Variants in VWC2 observed in about 807,000 individuals in gnomAD.
VWC2 encodes the protein von Willebrand factor C domain containing 2, also known as brorin.
Under a neutral mutation model 29.8 loss-of-function variants are expected in VWC2, and 14 were observed. That is an observed-to-expected ratio of 0.47 (90% CI 0.31 to 0.74). The LOEUF (loss-of-function observed/expected upper bound fraction) is 0.74, where lower values mean the gene tolerates loss of function less well. Ranked by LOEUF, VWC2 falls within the 30% of genes least tolerant of loss-of-function variation. The pLI, the probability that VWC2 is intolerant of heterozygous loss-of-function variation, is 0.05. For missense variants in VWC2, 457 were observed against 459.8 expected (o/e 0.99, Z 0.05); for synonymous variants, 213 against 199.0 (o/e 1.07, Z -0.59).
intron 3 of VWC2, among the ~76,000 whole-genome samples, chr7:49,896,044 G>A (rs557257514): frequency 9.2e-4 from 140 of 152,226 alleles, no homozygotes; most frequent in South Asian, 1.2e-3. Context: ...AACGTTTAAT[G>A]AAAAAGAAAG....
At position 49,774,578 on chromosome 7, in the gene VWC2, T is replaced by C. The variant is rs555041631; in HGVS notation, c.-104+465T>C. 5.9e-5 allele frequency among the ~76,000 whole-genome samples: 9 copies of C among 152,296 alleles called. No individual in the cohort carries two copies. In the East Asian group the frequency reaches 1.8e-3, roughly 30 times the overall value. On this transcript the variant is annotated intron_variant, in intron 1 of 3. Transcript: ENST00000340652. ...GCACACCTTGGTGCTGCCCGGGCGC[T>C]TCTGCTCCGCAGCCAGGACACTACA...
intron 2 of VWC2, among the ~76,000 whole-genome samples, chr7:49,778,527 T>C (rs555313778): frequency 1.3e-5 from 2 of 152,396 alleles, no homozygotes; most frequent in South Asian, 2.1e-4. Flanking sequence ...TTTTTGTTAG[T>C]ATCGGGAACA....
intron 3 of VWC2, among the ~76,000 whole-genome samples, chr7:49,886,052 T>G (rs369965913): frequency 5.3e-5 from 8 of 152,212 alleles, no homozygotes; most frequent in African/African-American, 1.7e-4. Flanking sequence ...AAGCAGTGTG[T>G]GCAAGAGCCT....
chr7:49,805,196 G>A (rs1337072309), intron 3 of VWC2, among the ~76,000 whole-genome samples: 1 of 152,130 alleles, frequency 6.6e-6, no homozygotes, highest in Non-Finnish European at 1.5e-5. Flanking sequence ...ATGGTTTTGG[G>A]AGATGGTTGT....
rs187705884 is a variant in VWC2, at chr7:49,836,547, G to A, written c.826+33707G>A. On this transcript the variant is annotated intron_variant, in intron 3 of 3. Transcript: ENST00000340652. ...CCAGCTACTCCAGAGGCTGAGGCAG[G>A]AGAATTGCTTGAACTCCAGAGGCGG... Among the ~76,000 whole-genome samples the A allele has an allele frequency of 1.4e-3, 207 of 151,762 alleles. 1 individual carries two copies. The highest frequency in any genetic ancestry group is 4.7e-3 in the African/African-American group (195 of 41,398).
chr7:49,791,496 A>T (rs993018013), intron 2 of VWC2, among the ~76,000 whole-genome samples: 3 of 152,158 alleles, frequency 2.0e-5, no homozygotes, highest in African/African-American at 7.2e-5. Flanking sequence ...GGCTCCCAAT[A>T]TTTGCTGATG....
chr7:49,902,548 C>A, intron 3 of VWC2, among the ~76,000 whole-genome samples: 3 of 133,486 alleles, frequency 2.2e-5, no homozygotes, highest in African/African-American at 5.3e-5. Flanking sequence ...ATTGGATATC[C>A]GTAGCCAAAA....
chr7:49,786,637 A>G (rs1292838152), intron 2 of VWC2, among the ~76,000 whole-genome samples: 5 of 152,162 alleles, frequency 3.3e-5, no homozygotes, highest in African/African-American at 9.7e-5. Flanking sequence ...CAGCCTCACA[A>G]GCATCTGTTA....
At position 49,818,769 on chromosome 7, in the gene VWC2, T is replaced by C. The variant is rs187993083; in HGVS notation, c.826+15929T>C. On this transcript the variant is annotated intron_variant, in intron 3 of 3. Coordinates refer to ENST00000340652, the MANE Select transcript of VWC2 (RefSeq NM_198570.5). The stretch of plus-strand genomic sequence containing the variant: ...TCATATAAATATAAATTCATATATA[T>C]ATGAATTTGCCTTTAAAATAAAATA... Among the ~76,000 whole-genome samples, 8 of 149,464 alleles carry C rather than the reference T, an allele frequency of 5.4e-5. No individual in the cohort carries two copies. In the Admixed American group the frequency reaches 5.4e-4, roughly 10 times the overall value.
intron 3 of VWC2, among the ~76,000 whole-genome samples, chr7:49,895,282 C>G (rs1792326405): frequency 6.6e-6 from 1 of 152,168 alleles, no homozygotes; most frequent in Non-Finnish European, 1.5e-5. Flanking sequence ...CATGAGGGCT[C>G]TGCCCTCATG....
rs148046649 is a variant in VWC2 at position 49,807,490 on chromosome 7, C to T, written c.826+4650C>T. 5.0e-3 allele frequency among the ~76,000 whole-genome samples: 765 copies of T among 152,296 alleles called. 6 individuals carry two copies. Among genetic ancestry groups the T allele is most frequent in the African/African-American group, 0.017 (725 of 41,556 alleles). ...AAAAGGCCTGTGCATGTAAGACCAC[C>T]AGCTGTGTGACTAACCTGACATCAC... On this transcript the variant is annotated intron_variant, in intron 3 of 3. Coordinates refer to ENST00000340652, the MANE Select transcript of VWC2 (RefSeq NM_198570.5).
intron 3 of VWC2, among the ~76,000 whole-genome samples, chr7:49,817,125 A>C (rs944205090): frequency 6.6e-6 from 1 of 152,248 alleles, no homozygotes; most frequent in Non-Finnish European, 1.5e-5. Context: ...GAAGAGGTTA[A>C]ATTTCCGGCT....
intron 1 of VWC2, among the ~76,000 whole-genome samples, chr7:49,774,360 C>G (rs1221047502): frequency 6.6e-6 from 1 of 152,278 alleles, no homozygotes; most frequent in African/African-American, 2.4e-5. Flanking sequence ...ACAGACGCAC[C>G]GGAGTGCGCA....
intron 3 of VWC2, among the ~76,000 whole-genome samples, chr7:49,877,482 AT>A (rs773455256): frequency 0.15 from 3,019 of 20,274 alleles, 934 homozygotes; most frequent in African/African-American, 0.34. Flanking sequence ...AAAAAAAAAA[AT>A]ATATATATAT....
intron 3 of VWC2, among the ~76,000 whole-genome samples, chr7:49,853,156 G>C (rs1272494695): frequency 1.3e-5 from 2 of 152,268 alleles, no homozygotes; most frequent in Non-Finnish European, 2.9e-5. Flanking sequence ...GCAGTCACTG[G>C]GGTGGACTTG....
In VWC2 at chr7:49,920,824, T is replaced by G. The variant is rs2128746999; in HGVS notation, c.*8639T>G. On this transcript the variant is annotated 3_prime_UTR_variant, in exon 4 of 4. Transcript: ENST00000340652. ...TAAATAACATCATTTACCAAGTCTGTGTGATGCTTTACAAGGTACCTGATG... is the reference window on the plus strand; with the variant it reads ...TAAATAACATCATTTACCAAGTCTGGGTGATGCTTTACAAGGTACCTGATG... 1 of 152,312 alleles carries G rather than the reference T, an allele frequency of 6.6e-6. No individual in the cohort carries two copies. Among genetic ancestry groups the G allele is most frequent in the South Asian group, 2.1e-4 (1 of 4,824 alleles). 9.4% of individuals were successfully genotyped at this position (152,312 alleles called of 1,614,324 possible). A position where few individuals can be genotyped will look rare whatever the true frequency, so the allele number is the denominator to read the frequency against.
Position 49,775,405 on chromosome 7 carries a change from CG to C in VWC2, c.-30del. 3.0e-6 allele frequency: 3 copies of C among 1,015,414 alleles called. No individual in the cohort carries two copies. The highest frequency in any genetic ancestry group is 2.6e-6 in the Non-Finnish European group (2 of 774,754). The allele number at this position is 1,015,414 out of a possible 1,614,324, so 62.9% of individuals were successfully genotyped here. A position where few individuals can be genotyped will look rare whatever the true frequency, so the allele number is the denominator to read the frequency against. ...CGACTCGCCCCTCGGCCGCGCTCCC[CG>C]CCCGCCCGCCCGCCGGGACGTGGTA... On this transcript the variant is annotated 5_prime_UTR_variant, in exon 2 of 4. The change abolishes the stop of an existing upstream ORF in the 5' untranslated region. Coordinates refer to ENST00000340652, the MANE Select transcript of VWC2 (RefSeq NM_198570.5).
At chr7:49,804,201 C>T (rs1039287872) in intron 3 of VWC2, among the ~76,000 whole-genome samples, 3 of 151,226 alleles carry the variant, frequency 2.0e-5, no homozygotes, top group African/African-American at 4.9e-5. Flanking sequence ...GAGACACCAG[C>T]TGTGAGATGG....
At position 49,921,509 on chromosome 7, in the gene VWC2, T is replaced by TAC. The variant is rs1186603787; in HGVS notation, c.*9327_*9328dup. Reference sequence around the variant, plus strand: ...TACCACTTACTGGTTATTTATCAGGTACACGTTACCTACCTCTCTGTAACT... The same window carrying TAC: ...TACCACTTACTGGTTATTTATCAGGTACACACGTTACCTACCTCTCTGTAACT... On this transcript the variant is annotated 3_prime_UTR_variant, in exon 4 of 4. Transcript: ENST00000340652. 4 of 152,218 alleles carry TAC rather than the reference T, an allele frequency of 2.6e-5. No individual in the cohort carries two copies. The highest frequency in any genetic ancestry group is 9.6e-5 in the African/African-American group (4 of 41,454). The allele number at this position is 152,218 out of a possible 1,614,324, so 9.4% of individuals were successfully genotyped here.
Sources: gnomAD v4.1 joint callset for allele counts (sites outside exome capture counted in the v4.1 genomes callset) on GRCh38, gnomAD v4.1.1 for gene constraint, MANE v1.5 for transcripts, NCBI Gene and HGNC (gene_info 2026-07-23, HGNC 2026-07-21) for gene names.